PXDN: variants seen among roughly 807,000 people sequenced by gnomAD.
PXDN encodes the protein peroxidasin.
In PXDN, 77 loss-of-function variants were observed where a neutral mutation model predicts 140.3. The ratio of observed to expected loss-of-function variants is 0.55; its 90% CI spans 0.46 to 0.66. PXDN has a LOEUF of 0.66. Ranked by LOEUF, PXDN falls within the 30% of genes least tolerant of loss-of-function variation. The probability of loss-of-function intolerance (pLI) is 0.00; values close to 1 mark genes in which losing one functional copy is unlikely to be tolerated. For synonymous variants in PXDN, 911 were observed against 857.4 expected (o/e 1.06, Z -1.09); for missense variants, 1,838 against 2,039.5 (o/e 0.90, Z 1.90).
chr2:1,674,275 C>A (rs1683645179), intron 8 of PXDN, among the ~76,000 whole-genome samples: 1 of 151,384 alleles, frequency 6.6e-6, no homozygotes, highest in African/African-American at 2.5e-5. Context: ...AGCGGTATAA[C>A]CATTGCTCAC....
intron 19 of PXDN, among the ~76,000 whole-genome samples, chr2:1,640,801 G>A (rs1380278454): frequency 6.6e-6 from 1 of 152,214 alleles, no homozygotes; most frequent in East Asian, 1.9e-4. Flanking sequence ...GCAGGTCTGG[G>A]GTGGGTCCCT....
chr2:1,656,395 A>G (rs936217915), intron 14 of PXDN, among the ~76,000 whole-genome samples: 1 of 152,206 alleles, frequency 6.6e-6, no homozygotes, highest in Non-Finnish European at 1.5e-5. Flanking sequence ...TTTTTCTTCA[A>G]CATACGCAAT....
At chr2:1,680,750 A>G (rs570862023) in intron 6 of PXDN, among the ~76,000 whole-genome samples, 1 of 152,306 alleles carries the variant, frequency 6.6e-6, no homozygotes, top group Admixed American at 6.5e-5. Context: ...CAGTAACATG[A>G]AAACCACAGC....
At chr2:1,705,480 C>T (rs1684575700) in intron 1 of PXDN, among the ~76,000 whole-genome samples, 2 of 144,096 alleles carry the variant, frequency 1.4e-5, no homozygotes, top group South Asian at 4.5e-4. Flanking sequence ...CGACCTGGGA[C>T]ACAGGGTGCA....
intron 1 of PXDN, among the ~76,000 whole-genome samples, chr2:1,724,312 GTTT>G (rs34475212): frequency 1.4e-5 from 2 of 139,922 alleles, no homozygotes. Flanking sequence ...CTGAATTTCC[GTTT>G]TTTTTTTTTT....
intron 3 of PXDN, among the ~76,000 whole-genome samples, chr2:1,688,418 C>G (rs778539088): frequency 6.6e-6 from 1 of 152,250 alleles, no homozygotes; most frequent in Non-Finnish European, 1.5e-5. Flanking sequence ...CTGCGCAGCT[C>G]ACAGAGGACT....
Position 1,639,151 on chromosome 2 carries a change from C to A in PXDN, c.4073+151G>T, listed in dbSNP as rs931680280. 41 of 1,481,296 alleles carry A rather than the reference C, an allele frequency of 2.8e-5. No homozygotes were observed. The highest frequency in any genetic ancestry group is 3.6e-5 in the Non-Finnish European group (40 of 1,098,688). 91.8% of individuals were successfully genotyped at this position (1,481,296 alleles called of 1,614,324 possible). A position where few individuals can be genotyped will look rare whatever the true frequency, so the allele number is the denominator to read the frequency against. On this transcript the variant is annotated intron_variant, in intron 20 of 22. Coordinates refer to ENST00000252804, the MANE Select transcript of PXDN (RefSeq NM_012293.3). The surrounding 1 kb of genome is among the most constrained non-coding windows in gnomAD (Gnocchi z 5.0). ...GCTCTGAGTGGGCAGCACAGCAGGA[C>A]GCAGGCTGCGGCCTGGCCCCCAGTG...
At chr2:1,740,207 C>T (rs1419714261) in intron 1 of PXDN, among the ~76,000 whole-genome samples, 2 of 152,180 alleles carry the variant, frequency 1.3e-5, no homozygotes, top group African/African-American at 2.4e-5. Flanking sequence ...CCAGGGAGTC[C>T]CCGGCAGGCG....
rs998680088 is a variant in PXDN, at chr2:1,651,081, T to A, written c.2105-1406A>T. On this transcript the variant is annotated intron_variant, in intron 16 of 22. Transcript: ENST00000252804. This position sits in a 1 kb window ranked among gnomAD's most constrained non-coding sequence, Gnocchi z 4.4. ...CCCCGGGCTCCCCTCAGCCCCTGGT[T>A]CTGTTCTGTCTGACTTTTCCCAGAG... Among the ~76,000 whole-genome samples, 36 of 152,188 alleles carry A rather than the reference T, an allele frequency of 2.4e-4. No homozygotes were observed. The highest frequency in any genetic ancestry group is 8.4e-4 in the African/African-American group (35 of 41,542).
chr2:1,731,622 C>T (rs539448902), intron 1 of PXDN, among the ~76,000 whole-genome samples: 2 of 152,210 alleles, frequency 1.3e-5, no homozygotes, highest in African/African-American at 4.8e-5. Flanking sequence ...CAACTACTCA[C>T]CTCTGCCTCT....
At chr2:1,661,105 G>C in intron 13 of PXDN, 68 bp from the exon 14 acceptor site, 1 of 1,569,794 alleles carries the variant, frequency 6.4e-7, no homozygotes, top group Non-Finnish European at 8.7e-7. Context: ...CTGACCTAGG[G>C]TTGGGGGAGG....
At chr2:1,681,893 C>G (rs1233301671) in intron 6 of PXDN, among the ~76,000 whole-genome samples, 1 of 152,236 alleles carries the variant, frequency 6.6e-6, no homozygotes, top group Non-Finnish European at 1.5e-5. Context: ...CAACCTTCAT[C>G]TGCTCTGAAG....
intron 15 of PXDN, 43 bp from the exon 16 acceptor site, chr2:1,653,828 T>G (rs1418793802): frequency 1.8e-5 from 27 of 1,492,572 alleles, no homozygotes; most frequent in Non-Finnish European, 2.4e-5. Context: ...TGAAACAAAT[T>G]ACTGAAGATA....
At chr2:1,743,701 GGGGAGGAGGAGGAGGAA>G (rs766526861) in intron 1 of PXDN, among the ~76,000 whole-genome samples, 33,118 of 82,926 alleles carry the variant, frequency 0.4, 6,847 homozygotes, top group East Asian at 0.55. Context: ...GGAGGAGGAA[GGGGAGGAGGAGGAGGAA>G]GGGGAGGAGG....
At chr2:1,713,369 C>T (rs556173876) in intron 1 of PXDN, among the ~76,000 whole-genome samples, 58 of 152,304 alleles carry the variant, frequency 3.8e-4, no homozygotes, top group Non-Finnish European at 5.4e-4. Context: ...TCCATCCCTG[C>T]GAAAAGAAGC....
chr2:1,723,929 A>G (rs1257030517), intron 1 of PXDN, among the ~76,000 whole-genome samples: 1 of 152,252 alleles, frequency 6.6e-6, no homozygotes, highest in Non-Finnish European at 1.5e-5. Context: ...TTTAAAAGTT[A>G]AAAGTGTTGC....
rs1029685726 is a variant in PXDN at position 1,685,961 on chromosome 2, C to A, written c.416+1671G>T. Among the ~76,000 whole-genome samples, 1 of 152,208 alleles carries A rather than the reference C, an allele frequency of 6.6e-6. No individual in the cohort carries two copies. The highest frequency in any genetic ancestry group is 1.5e-5 in the Non-Finnish European group (1 of 68,038). ...CCTGTGTCCACAGCTTCCCAAAGAG[C>A]CTTCTTTCTGGATCAGGGACACTCA... On this transcript the variant is annotated intron_variant, in intron 4 of 22. Transcript: ENST00000252804. This position sits in a 1 kb window ranked among gnomAD's most constrained non-coding sequence, Gnocchi z 5.1.
intron 9 of PXDN, among the ~76,000 whole-genome samples, chr2:1,667,798 A>C (rs1683480439): frequency 6.6e-6 from 1 of 150,522 alleles, no homozygotes; most frequent in Admixed American, 6.6e-5. Context: ...CAAGGAAATC[A>C]GAGAGGATAC....
intron 14 of PXDN, among the ~76,000 whole-genome samples, chr2:1,658,083 T>TCCCTCCCCCTCTCTCTCTCTCCCC (rs1212656970): frequency 3.9e-5 from 3 of 77,700 alleles, no homozygotes; most frequent in African/African-American, 1.7e-4. Flanking sequence ...TCTCTCTCTC[T>TCCCTCCCCCTCTCTCTCTCTCCCC]CTCTCTCTCT....
Sources: gnomAD v4.1 joint callset for allele counts (sites outside exome capture counted in the v4.1 genomes callset) on GRCh38, gnomAD v4.1.1 for gene constraint, Gnocchi (gnomAD v3.1) non-coding constraint, MANE v1.5 for transcripts, NCBI Gene and HGNC (gene_info 2026-07-23, HGNC 2026-07-21) for gene names.